Variants in HS3ST4 observed in about 807,000 individuals in gnomAD.
The protein encoded by HS3ST4 is heparan sulfate-glucosamine 3-sulfotransferase 4, also known as heparan sulfate glucosamine 3-O-sulfotransferase 4.
HS3ST4 carries 17 observed loss-of-function variants against 29.2 expected under a neutral mutation model. That is an observed-to-expected ratio of 0.58 (90% CI 0.40 to 0.87). The LOEUF (loss-of-function observed/expected upper bound fraction) is 0.87. HS3ST4 is among the 40% of genes least tolerant of loss of function. The pLI, the probability that HS3ST4 is intolerant of heterozygous loss-of-function variation, is 0.00. For synonymous variants in HS3ST4, 314 were observed against 285.7 expected, an observed-to-expected ratio of 1.10 and a Z score of -1.00; for missense variants, 627 against 634.5, an observed-to-expected ratio of 0.99 and a Z score of 0.13.
chr16:25,698,618 A>G (rs1182256967), intron 1 of HS3ST4, among the ~76,000 whole-genome samples: 1 of 152,254 alleles, frequency 6.6e-6, no homozygotes, highest in African/African-American at 2.4e-5. Flanking sequence ...TCTAAACAAA[A>G]TGAGTATCCT....
In HS3ST4 at chr16:26,137,398, C is replaced by T. The variant is rs555521311; in HGVS notation, c.*1150C>T. On this transcript the variant is annotated 3_prime_UTR_variant, in exon 2 of 2. Coordinates refer to ENST00000331351, the MANE Select transcript of HS3ST4 (RefSeq NM_006040.3). The stretch of plus-strand genomic sequence containing the variant: ...AGTGAGGTAGTGGCGAGAAAGCTGA[C>T]TCCATTCATCAGATCCAGTTTATGA... 4 of 152,246 alleles carry T rather than the reference C, an allele frequency of 2.6e-5. No homozygotes were observed. Among genetic ancestry groups the T allele is most frequent in the African/African-American group, 7.2e-5 (3 of 41,542 alleles). 9.4% of individuals were successfully genotyped at this position (152,246 alleles called of 1,614,324 possible). A position where few individuals can be genotyped will look rare whatever the true frequency, so the allele number is the denominator to read the frequency against.
chr16:25,801,522 C>T (rs1044742304), intron 1 of HS3ST4, among the ~76,000 whole-genome samples: 1 of 152,176 alleles, frequency 6.6e-6, no homozygotes, highest in African/African-American at 2.4e-5. Context: ...ACTAAAATAA[C>T]TACTTGCTGT....
chr16:25,729,385 CA>C lies in HS3ST4; in HGVS notation c.734+36235del, dbSNP rs1249976426. 2.0e-5 allele frequency among the ~76,000 whole-genome samples: 3 copies of C among 152,172 alleles called. No homozygotes were observed. In the East Asian group the frequency reaches 5.8e-4, roughly 29 times the overall value. On this transcript the variant is annotated intron_variant, in intron 1 of 1. Transcript: ENST00000331351. ...CCCAGCCTTGCTATAAACGCCACAG[CA>C]CGCCCACATCCTTCTGATTTGGGAC...
intron 1 of HS3ST4, among the ~76,000 whole-genome samples, chr16:25,983,965 A>G (rs1969036104): frequency 6.6e-6 from 1 of 152,038 alleles, no homozygotes; most frequent in Non-Finnish European, 1.5e-5. Context: ...TTGACTAATG[A>G]TAATTGTACA....
chr16:26,002,231 A>T (rs1174819581), intron 1 of HS3ST4, among the ~76,000 whole-genome samples: 1 of 152,262 alleles, frequency 6.6e-6, no homozygotes, highest in East Asian at 1.9e-4. Context: ...AAATCTGAGG[A>T]TCATTTTTTA....
At chr16:26,097,922 A>G (rs1368085654) in intron 1 of HS3ST4, among the ~76,000 whole-genome samples, 2 of 152,370 alleles carry the variant, frequency 1.3e-5, no homozygotes, top group Non-Finnish European at 1.5e-5. Flanking sequence ...AGGTAGGCAA[A>G]GGTTATGAAC....
chr16:26,042,180 C>T lies in HS3ST4; in HGVS notation c.735-93432C>T, dbSNP rs139719901. ...GCCTCCAGCGTTCTGAAACCTTTCA[C>T]GCCCCAGCATCAAACCCTCCCAGAC... On this transcript the variant is annotated intron_variant, in intron 1 of 1. Transcript: ENST00000331351. Among the ~76,000 whole-genome samples, 236 of 152,286 alleles carry T rather than the reference C, an allele frequency of 1.5e-3. 7 individuals are homozygous for T. The East Asian group carries it at 0.039, about 25-fold the overall frequency.
At chr16:25,849,536 A>G (rs756267132) in intron 1 of HS3ST4, among the ~76,000 whole-genome samples, 8 of 152,094 alleles carry the variant, frequency 5.3e-5, no homozygotes, top group Non-Finnish European at 8.8e-5. Flanking sequence ...GGCTCGGTCT[A>G]TCACCTAGGC....
intron 1 of HS3ST4, among the ~76,000 whole-genome samples, chr16:26,117,234 A>G (rs574853635): frequency 4.6e-5 from 7 of 152,320 alleles, no homozygotes; most frequent in African/African-American, 1.4e-4. Flanking sequence ...TTGCAGATAC[A>G]AGGATTGTTA....
At chr16:26,058,433 T>C (rs1898436861) in intron 1 of HS3ST4, among the ~76,000 whole-genome samples, 1 of 152,146 alleles carries the variant, frequency 6.6e-6, no homozygotes, top group African/African-American at 2.4e-5. Flanking sequence ...ACGAGTGAGC[T>C]AAAGAGGCCA....
At chr16:25,724,366 T>C (rs1354492693) in intron 1 of HS3ST4, among the ~76,000 whole-genome samples, 1 of 12,114 alleles carries the variant, frequency 8.3e-5, no homozygotes, top group Non-Finnish European at 3.4e-4. Context: ...TCCCCTCAAC[T>C]TTTTTTTTTT....
chr16:25,865,928 T>C (rs1472254649), intron 1 of HS3ST4, among the ~76,000 whole-genome samples: 1 of 152,024 alleles, frequency 6.6e-6, no homozygotes, highest in African/African-American at 2.4e-5. Context: ...TTTTTAAAAA[T>C]ATAACCCCAA....
Position 25,977,262 on chromosome 16 carries a change from C to T in HS3ST4, c.735-158350C>T, listed in dbSNP as rs187973486. ...ATGATGTAATTTGTGTGGACATCCT[C>T]GGTCCATCACAGGCATTTAATGCTT... On this transcript the variant is annotated intron_variant, in intron 1 of 1. Coordinates refer to ENST00000331351, the MANE Select transcript of HS3ST4 (RefSeq NM_006040.3). Among the ~76,000 whole-genome samples the T allele has an allele frequency of 8.5e-5, 13 of 152,286 alleles. No homozygotes were observed. The East Asian group carries it at 1.5e-3, about 18-fold the overall frequency.
At chr16:25,950,475 G>T (rs1968671932) in intron 1 of HS3ST4, among the ~76,000 whole-genome samples, 1 of 152,096 alleles carries the variant, frequency 6.6e-6, no homozygotes, top group African/African-American at 2.4e-5. Flanking sequence ...ATCTTTGGAT[G>T]AATGGATGGT....
chr16:26,129,479 C>T (rs560470472), intron 1 of HS3ST4, among the ~76,000 whole-genome samples: 1 of 152,176 alleles, frequency 6.6e-6, no homozygotes, highest in South Asian at 2.1e-4. Flanking sequence ...TTTCCTGATC[C>T]GTAAAGTGGG....
intron 1 of HS3ST4, among the ~76,000 whole-genome samples, chr16:25,959,480 G>A (rs753887535): frequency 1.3e-5 from 2 of 152,152 alleles, no homozygotes; most frequent in Admixed American, 6.5e-5. Flanking sequence ...CCATAGGGGT[G>A]GTTTTACAAA....
intron 1 of HS3ST4, among the ~76,000 whole-genome samples, chr16:25,885,594 C>A (rs1218272037): frequency 6.6e-6 from 1 of 152,128 alleles, no homozygotes; most frequent in Non-Finnish European, 1.5e-5. Flanking sequence ...ACAACCCTAC[C>A]TGTCCCCCAA....
At chr16:26,001,777 G>A (rs1006697639) in intron 1 of HS3ST4, among the ~76,000 whole-genome samples, 2 of 152,106 alleles carry the variant, frequency 1.3e-5, no homozygotes, top group Non-Finnish European at 1.5e-5. Flanking sequence ...TGAAGTTTCA[G>A]TGTCTTTTGA....
chr16:26,013,641 A>G (rs769810790), intron 1 of HS3ST4, among the ~76,000 whole-genome samples: 4 of 152,170 alleles, frequency 2.6e-5, no homozygotes, highest in South Asian at 2.1e-4. Context: ...AAATATGTCG[A>G]AAGTGTTCTC....
Sources: allele counts gnomAD v4.1 joint callset (sites outside exome capture counted in the v4.1 genomes callset), GRCh38; gene constraint gnomAD v4.1.1; transcripts MANE v1.5; gene names NCBI Gene and HGNC (gene_info 2026-07-23, HGNC 2026-07-21).